ROR1: variants seen among roughly 807,000 people sequenced by gnomAD.
The protein encoded by ROR1 is ROR family WNT receptor 1.
In ROR1, 19 loss-of-function variants were observed where a neutral mutation model predicts 78.8. The observed-to-expected ratio is 0.24, with a 90% CI of 0.17 to 0.35. The LOEUF (loss-of-function observed/expected upper bound fraction) is 0.35, where lower values mean the gene tolerates loss of function less well. ROR1 is among the 10% of genes least tolerant of loss of function. The pLI is 1.00. For synonymous variants in ROR1, 386 were observed against 433.6 expected, an observed-to-expected ratio of 0.89 and a Z score of 1.36; for missense variants, 917 against 1,177.8, an observed-to-expected ratio of 0.78 and a Z score of 3.24.
At chr1:63,891,390 G>A (rs528698968) in intron 1 of ROR1, among the ~76,000 whole-genome samples, 10 of 152,224 alleles carry the variant, frequency 6.6e-5, no homozygotes, top group Admixed American at 2.6e-4. Flanking sequence ...GGACTCCTTT[G>A]TCTGAGGCAC....
At chr1:64,078,939 A>G (rs184114602) in intron 4 of ROR1, among the ~76,000 whole-genome samples, 1 of 152,320 alleles carries the variant, frequency 6.6e-6, no homozygotes, top group East Asian at 1.9e-4. Context: ...ATTTCGAGGA[A>G]GGAGTGTTCA....
intron 4 of ROR1, among the ~76,000 whole-genome samples, chr1:64,065,323 G>A (rs1292598452): frequency 1.3e-5 from 2 of 152,184 alleles, no homozygotes; most frequent in Non-Finnish European, 2.9e-5. Flanking sequence ...TATACCAGCT[G>A]TCCTTATTGT....
intron 1 of ROR1, among the ~76,000 whole-genome samples, chr1:63,953,182 C>A (rs1360047827): frequency 6.6e-6 from 1 of 152,158 alleles, no homozygotes; most frequent in Admixed American, 6.5e-5. Context: ...CTTGTATATT[C>A]CTGTGTTCAC....
At chr1:63,929,782 GTGA>G (rs1440221727) in intron 1 of ROR1, among the ~76,000 whole-genome samples, 1 of 152,162 alleles carries the variant, frequency 6.6e-6, no homozygotes, top group African/African-American at 2.4e-5. Flanking sequence ...AGTAGCTCAT[GTGA>G]TCATCCTGCC....
At chr1:63,807,326 G>C (rs955438536) in intron 1 of ROR1, among the ~76,000 whole-genome samples, 1 of 152,184 alleles carries the variant, frequency 6.6e-6, no homozygotes, top group Non-Finnish European at 1.5e-5. Flanking sequence ...CTGTCTCTCT[G>C]GGGGGAGCAG....
At chr1:63,785,547 G>C (rs1644679280) in intron 1 of ROR1, among the ~76,000 whole-genome samples, 1 of 150,840 alleles carries the variant, frequency 6.6e-6, no homozygotes, top group Non-Finnish European at 1.5e-5. Context: ...TTTTGAGACG[G>C]AGTCTCACTC....
At chr1:63,947,358 C>G (rs1480819760) in intron 1 of ROR1, among the ~76,000 whole-genome samples, 1 of 152,178 alleles carries the variant, frequency 6.6e-6, no homozygotes, top group Non-Finnish European at 1.5e-5. Flanking sequence ...TCCATGGATA[C>G]TCCTTATAGA....
intron 1 of ROR1, among the ~76,000 whole-genome samples, chr1:64,008,665 C>T (rs285397): frequency 0.66 from 99,937 of 151,968 alleles, 37,443 homozygotes; most frequent in East Asian, 0.94. Flanking sequence ...GATGGAGTCT[C>T]GCTATGTCAG....
chr1:64,148,098 T>A (rs996347954), intron 7 of ROR1, among the ~76,000 whole-genome samples: 1 of 152,234 alleles, frequency 6.6e-6, no homozygotes, highest in African/African-American at 2.4e-5. Context: ...GTAATTATCA[T>A]TTATTGTATG....
At chr1:63,880,635 AT>A (rs1645315972) in intron 1 of ROR1, among the ~76,000 whole-genome samples, 2 of 152,172 alleles carry the variant, frequency 1.3e-5, no homozygotes, top group South Asian at 4.1e-4. Context: ...TCGTGATTTA[AT>A]TTGAGCTCTG....
chr1:63,989,612 G>A (rs1310404882), intron 1 of ROR1, among the ~76,000 whole-genome samples: 2 of 152,036 alleles, frequency 1.3e-5, no homozygotes, highest in African/African-American at 4.8e-5. Flanking sequence ...CCTCCCACAT[G>A]TCACCTGTCT....
Position 63,799,449 on chromosome 1 carries a change from A to G in ROR1, c.91+24941A>G, listed in dbSNP as rs2100251850. Among the ~76,000 whole-genome samples, 3 of 152,284 alleles carry G rather than the reference A, an allele frequency of 2.0e-5. No individual in the cohort carries two copies. In the East Asian group the frequency reaches 5.8e-4, roughly 29 times the overall value. On this transcript the variant is annotated intron_variant, in intron 1 of 8. Coordinates refer to ENST00000371079, the MANE Select transcript of ROR1 (RefSeq NM_005012.4). Reference sequence around the variant, plus strand: ...CTTGGCGACAGAATTCCATGTTATCACTTGAGTGCCTAGGAGCATGCCTGT... The same window carrying G: ...CTTGGCGACAGAATTCCATGTTATCGCTTGAGTGCCTAGGAGCATGCCTGT...
intron 1 of ROR1, among the ~76,000 whole-genome samples, chr1:63,957,429 C>T (rs1199813222): frequency 2.6e-5 from 4 of 152,134 alleles, no homozygotes; most frequent in Non-Finnish European, 4.4e-5. Flanking sequence ...AGATGCGAAT[C>T]CATGATGCCA....
intron 1 of ROR1, among the ~76,000 whole-genome samples, chr1:63,822,946 A>G (rs984797938): frequency 6.6e-6 from 1 of 152,180 alleles, no homozygotes; most frequent in African/African-American, 2.4e-5. Context: ...AAGGTTACAG[A>G]AATGTATTCC....
rs1569873653 is a variant in ROR1, at chr1:63,895,516, G to A, written c.92-113789G>A. Among the ~76,000 whole-genome samples, 7 of 152,254 alleles carry A rather than the reference G, an allele frequency of 4.6e-5. No individual in the cohort carries two copies. In the South Asian group the frequency reaches 1.5e-3, roughly 32 times the overall value. ...GGAGGTAGTGTGAAGTCAGGGTGAGGTTTTGGCATGTTTAGTCTCCCAGAC... is the reference window on the plus strand; with the variant it reads ...GGAGGTAGTGTGAAGTCAGGGTGAGATTTTGGCATGTTTAGTCTCCCAGAC... On this transcript the variant is annotated intron_variant, in intron 1 of 8. Transcript: ENST00000371079.
At chr1:63,805,507 C>CT (rs1644823188) in intron 1 of ROR1, among the ~76,000 whole-genome samples, 4 of 152,134 alleles carry the variant, frequency 2.6e-5, no homozygotes, top group African/African-American at 9.7e-5. Context: ...AATGATTGCT[C>CT]CTAATGCATC....
intron 4 of ROR1, among the ~76,000 whole-genome samples, chr1:64,126,384 A>G (rs1416478391): frequency 6.6e-6 from 1 of 152,146 alleles, no homozygotes; most frequent in African/African-American, 2.4e-5. Context: ...TGTGAGAAAG[A>G]GATAATGCAA....
chr1:64,066,337 A>G, intron 4 of ROR1, among the ~76,000 whole-genome samples: 1 of 122,896 alleles, frequency 8.1e-6, no homozygotes, highest in African/African-American at 3.6e-5. Flanking sequence ...TTTTTTTTTG[A>G]TATGGAATCT....
At chr1:64,101,848 C>T (rs1647560361) in intron 4 of ROR1, among the ~76,000 whole-genome samples, 1 of 152,102 alleles carries the variant, frequency 6.6e-6, no homozygotes, top group African/African-American at 2.4e-5. Context: ...GGACAGCTAA[C>T]CTAAAAGCTT....
Sources: gnomAD v4.1 joint callset for allele counts (sites outside exome capture counted in the v4.1 genomes callset) on GRCh38, gnomAD v4.1.1 for gene constraint, MANE v1.5 for transcripts, NCBI Gene and HGNC (gene_info 2026-07-23, HGNC 2026-07-21) for gene names.